Variants in AFF1 observed in about 807,000 individuals in gnomAD.
The protein encoded by AFF1 is AF4/FMR2 family member 1.
In AFF1, 48 loss-of-function variants were observed where a neutral mutation model predicts 121.7. The ratio of observed to expected loss-of-function variants is 0.39; its 90% CI spans 0.31 to 0.50. The LOEUF is 0.50. AFF1 is among the 20% of genes least tolerant of loss of function. The pLI is 0.76. For synonymous variants in AFF1, 613 were observed against 563.0 expected, an observed-to-expected ratio of 1.09 and a Z score of -1.26; for missense variants, 1,523 against 1,511.7, an observed-to-expected ratio of 1.01 and a Z score of -0.12.
intron 1 of AFF1, chr4:86,935,886 C>T (rs1283537929): frequency 1.3e-5 from 2 of 152,214 alleles, no homozygotes; most frequent in African/African-American, 4.8e-5. Flanking sequence ...CCTCGGGTGT[C>T]CCATCCTCTG....
At chr4:87,081,818 C>T (rs1314991213) in intron 4 of AFF1, among the ~76,000 whole-genome samples, 7 of 152,110 alleles carry the variant, frequency 4.6e-5, no homozygotes, top group African/African-American at 1.4e-4. Flanking sequence ...TAAATGGTGA[C>T]TATTAGTATC....
At chr4:87,043,532 GA>G (rs1449602256) in intron 2 of AFF1, among the ~76,000 whole-genome samples, 20 of 152,192 alleles carry the variant, frequency 1.3e-4, no homozygotes, top group African/African-American at 4.6e-4. Flanking sequence ...CCAACAAGAG[GA>G]ATTACCAAAA....
intron 8 of AFF1, among the ~76,000 whole-genome samples, chr4:87,099,331 G>C (rs1725186704): frequency 6.6e-6 from 1 of 152,190 alleles, no homozygotes; most frequent in Non-Finnish European, 1.5e-5. Flanking sequence ...CTGGTTATTT[G>C]TACATTTGTA....
chr4:86,959,507 T>TTTC (rs1553909414), intron 2 of AFF1, among the ~76,000 whole-genome samples: 5 of 146,054 alleles, frequency 3.4e-5, no homozygotes, highest in South Asian at 4.4e-4. Flanking sequence ...TTTTTTTTTT[T>TTTC]CCCAATGTGA....
chr4:86,979,525 A>AT (rs1560514245), intron 2 of AFF1, among the ~76,000 whole-genome samples: 1 of 152,190 alleles, frequency 6.6e-6, no homozygotes, highest in African/African-American at 2.4e-5. Context: ...AATTACTCAG[A>AT]TTTTTAAGGA....
chr4:86,958,091 CTTTTTTTTT>C (rs36035943), intron 2 of AFF1, among the ~76,000 whole-genome samples: 55 of 107,110 alleles, frequency 5.1e-4, no homozygotes, highest in African/African-American at 1.4e-3. Context: ...TTTTTTTTTC[CTTTTTTTTT>C]TTTTTTTTTT....
intron 1 of AFF1, among the ~76,000 whole-genome samples, chr4:86,938,910 C>G (rs141879872): frequency 5.9e-5 from 9 of 152,346 alleles, no homozygotes; most frequent in Non-Finnish European, 1.3e-4. Flanking sequence ...CTTAAATTAT[C>G]TGGCCCATTT....
intron 8 of AFF1, among the ~76,000 whole-genome samples, chr4:87,103,187 T>C (rs1026790206): frequency 2.6e-5 from 4 of 152,218 alleles, no homozygotes; most frequent in African/African-American, 9.6e-5. Flanking sequence ...AAAATTTTTT[T>C]CTTGCTGCCA....
At chr4:86,975,362 C>T (rs1215675828) in intron 2 of AFF1, among the ~76,000 whole-genome samples, 6 of 152,086 alleles carry the variant, frequency 3.9e-5, no homozygotes, top group African/African-American at 1.4e-4. Context: ...GCCATACTCC[C>T]ACCTCCACCT....
chr4:87,005,420 CAA>C (rs1726029416), intron 2 of AFF1, among the ~76,000 whole-genome samples: 3 of 152,200 alleles, frequency 2.0e-5, no homozygotes, highest in Admixed American at 1.3e-4. Context: ...GTGGCAGATG[CAA>C]AAAGTCTTCC....
chr4:87,027,345 A>G (rs545213772), intron 2 of AFF1, among the ~76,000 whole-genome samples: 60 of 152,374 alleles, frequency 3.9e-4, no homozygotes, highest in Admixed American at 6.5e-5. Context: ...CACATGTAAC[A>G]TGCACACTTC....
chr4:87,057,337 A>G (rs2149641945), intron 4 of AFF1, among the ~76,000 whole-genome samples: 1 of 152,334 alleles, frequency 6.6e-6, no homozygotes, highest in East Asian at 1.9e-4. Flanking sequence ...TAAAAACAAG[A>G]ATCATTAATA....
chr4:86,994,067 C>T (rs1461477153), intron 2 of AFF1, among the ~76,000 whole-genome samples: 2 of 152,256 alleles, frequency 1.3e-5, no homozygotes, highest in Non-Finnish European at 2.9e-5. Flanking sequence ...CATGTTAGAG[C>T]TGCTGCTCTG....
At chr4:87,083,087 C>T (rs1723332811) in intron 4 of AFF1, among the ~76,000 whole-genome samples, 1 of 152,160 alleles carries the variant, frequency 6.6e-6, no homozygotes, top group African/African-American at 2.4e-5. Flanking sequence ...GTTGCTATTC[C>T]ATTGAAAACC....
In AFF1 at chr4:87,127,173, C is replaced by CCT; in HGVS notation, c.2903+57_2903+58insTC. On this transcript the variant is annotated intron_variant, in intron 15 of 20. Transcript: ENST00000395146. ...GTTTTGTTTTGTTTTGCTTCCCCCC[C>CCT]CCACCAAGATAGAGTCTCACTCTGT... 3 of 1,296,344 alleles carry CCT rather than the reference C, an allele frequency of 2.3e-6. 1 individual carries two copies. Among genetic ancestry groups the CCT allele is most frequent in the Non-Finnish European group, 1.1e-6 (1 of 917,812 alleles). 80.3% of individuals were successfully genotyped at this position (1,296,344 alleles called of 1,614,324 possible). A position where few individuals can be genotyped will look rare whatever the true frequency, so the allele number is the denominator to read the frequency against.
Position 86,950,076 on chromosome 4 carries a change from C to A in AFF1, c.38+1505C>A. 2.5e-6 allele frequency: 4 copies of A among 1,614,034 alleles called. No individual in the cohort carries two copies. In the South Asian group the frequency reaches 3.3e-5, roughly 13 times the overall value. ...TGATTGATGTAATAGGCCATCCACGCGGCGAAGCCCCAGTAGTAGGTGCAG... is the reference window on the plus strand; with the variant it reads ...TGATTGATGTAATAGGCCATCCACGAGGCGAAGCCCCAGTAGTAGGTGCAG... On this transcript the variant is annotated intron_variant, in intron 2 of 20. Coordinates refer to ENST00000395146, the MANE Select transcript of AFF1 (RefSeq NM_001166693.3).
intron 2 of AFF1, among the ~76,000 whole-genome samples, chr4:87,012,124 T>C (rs1726826251): frequency 6.6e-6 from 1 of 152,138 alleles, no homozygotes; most frequent in Non-Finnish European, 1.5e-5. Context: ...ATAATACCTG[T>C]AAGAGAGAGG....
In AFF1 at chr4:87,088,698, A is replaced by G. The variant is rs552154627; in HGVS notation, c.1105-1286A>G. ...CCGCTCACTGCAACCTCCACCTGCCAGGTTCAAGCCATTCTCCTGCCAAGT... is the reference window on the plus strand; with the variant it reads ...CCGCTCACTGCAACCTCCACCTGCCGGGTTCAAGCCATTCTCCTGCCAAGT... On this transcript the variant is annotated intron_variant, in intron 5 of 20. Transcript: ENST00000395146. Among the ~76,000 whole-genome samples, 61 of 152,070 alleles carry G rather than the reference A, an allele frequency of 4.0e-4. 1 individual carries two copies. The highest frequency in any genetic ancestry group is 1.4e-3 in the African/African-American group (59 of 41,496).
In AFF1 at chr4:87,137,786, C is replaced by CT. The variant is rs1183560717; in HGVS notation, c.*2088dup. On this transcript the variant is annotated 3_prime_UTR_variant, in exon 21 of 21. Coordinates refer to ENST00000395146, the MANE Select transcript of AFF1 (RefSeq NM_001166693.3). ...CGATATTGAAGATGTTATTTAACAT[C>CT]TTTCTTTTTTCCTTACTCCCTTAGC... The CT allele has an allele frequency of 4.3e-6, 1 of 232,114 alleles. No individual in the cohort carries two copies. The highest frequency in any genetic ancestry group is 2.2e-5 in the African/African-American group (1 of 45,272). 14.4% of individuals were successfully genotyped at this position (232,114 alleles called of 1,614,324 possible).
Sources: gnomAD v4.1 joint callset for allele counts (sites outside exome capture counted in the v4.1 genomes callset) on GRCh38, gnomAD v4.1.1 for gene constraint, MANE v1.5 for transcripts, NCBI Gene and HGNC (gene_info 2026-07-23, HGNC 2026-07-21) for gene names.